Variants in MARCHF1 observed in about 807,000 individuals in gnomAD.
The protein encoded by MARCHF1 is E3 ubiquitin-protein ligase MARCHF1.
In MARCHF1, 40 loss-of-function variants were observed where a neutral mutation model predicts 54.2. The ratio of observed to expected loss-of-function variants is 0.74; its 90% confidence interval spans 0.57 to 0.96. MARCHF1 has a LOEUF of 0.96. Among genes scored for constraint, MARCHF1 ranks in the 40% least tolerant of loss-of-function variants. The pLI is 0.00. For synonymous variants in MARCHF1, 236 were observed against 236.3 expected (o/e 1.00, Z 0.01); for missense variants, 586 against 656.5 (o/e 0.89, Z 1.17).
chr4:163,982,496 T>C (rs1456606858), intron 3 of MARCHF1, among the ~76,000 whole-genome samples: 4 of 152,248 alleles, frequency 2.6e-5, no homozygotes, highest in Non-Finnish European at 5.9e-5. Context: ...CAGGAAACTA[T>C]TGCAACTGCC....
intron 2 of MARCHF1, among the ~76,000 whole-genome samples, chr4:164,048,786 G>T (rs1049128163): frequency 4.6e-5 from 7 of 152,048 alleles, no homozygotes; most frequent in Admixed American, 4.6e-4. Flanking sequence ...AATTGGCAGA[G>T]TAAATTTTTT....
intron 5 of MARCHF1, among the ~76,000 whole-genome samples, chr4:163,632,554 C>A (rs546282694): frequency 6.6e-6 from 1 of 152,184 alleles, no homozygotes; most frequent in African/African-American, 2.4e-5. Context: ...TAAAAAACGG[C>A]GCACCACAAG....
At chr4:163,575,202 GA>G (rs1739996189) in intron 8 of MARCHF1, among the ~76,000 whole-genome samples, 1 of 151,966 alleles carries the variant, frequency 6.6e-6, no homozygotes, top group African/African-American at 2.4e-5. Context: ...ATTATTTTGA[GA>G]TATGTCCCTT....
intron 1 of MARCHF1, among the ~76,000 whole-genome samples, chr4:164,351,397 G>C (rs367836584): frequency 6.6e-6 from 1 of 151,028 alleles, no homozygotes; most frequent in East Asian, 1.9e-4. Context: ...GGTTCTCCCA[G>C]CAGGCAGCTG....
intron 8 of MARCHF1, among the ~76,000 whole-genome samples, chr4:163,565,950 G>A (rs1739631600): frequency 6.6e-6 from 1 of 152,158 alleles, no homozygotes; most frequent in East Asian, 1.9e-4. Flanking sequence ...TATCCCGGTG[G>A]GGCTGAGGAA....
At chr4:163,884,536 G>T (rs2111251667) in intron 3 of MARCHF1, among the ~76,000 whole-genome samples, 1 of 152,168 alleles carries the variant, frequency 6.6e-6, no homozygotes, top group South Asian at 2.1e-4. Context: ...CCTTCCCCTT[G>T]TTCCTAGTAA....
intron 2 of MARCHF1, among the ~76,000 whole-genome samples, chr4:164,043,065 C>T (rs762139873): frequency 1.3e-4 from 20 of 152,292 alleles, no homozygotes; most frequent in East Asian, 5.8e-4. Flanking sequence ...CGTTGAGTGC[C>T]GGTGGCTTTT....
chr4:163,918,440 G>T (rs553490851), intron 3 of MARCHF1, among the ~76,000 whole-genome samples: 1 of 152,066 alleles, frequency 6.6e-6, no homozygotes, highest in Non-Finnish European at 1.5e-5. Context: ...GAAATATATG[G>T]AGGCATTTCC....
intron 3 of MARCHF1, among the ~76,000 whole-genome samples, chr4:163,857,752 T>G (rs1160132197): frequency 1.3e-5 from 2 of 152,280 alleles, no homozygotes; most frequent in Non-Finnish European, 2.9e-5. Flanking sequence ...GGAGAATAAT[T>G]TACTTTTAAT....
At chr4:163,650,073 ATGAG>A (rs1404272716) in intron 5 of MARCHF1, among the ~76,000 whole-genome samples, 5 of 151,950 alleles carry the variant, frequency 3.3e-5, no homozygotes, top group Non-Finnish European at 5.9e-5. Context: ...TTACAGTACA[ATGAG>A]TGAGTAAACA....
At chr4:163,570,561 C>T (rs1301647416) in intron 8 of MARCHF1, among the ~76,000 whole-genome samples, 8 of 152,176 alleles carry the variant, frequency 5.3e-5, no homozygotes, top group Non-Finnish European at 8.8e-5. Flanking sequence ...ATTCTTTCCA[C>T]TGTATTTTAC....
At chr4:164,082,406 C>T (rs1755120303) in intron 2 of MARCHF1, among the ~76,000 whole-genome samples, 2 of 152,128 alleles carry the variant, frequency 1.3e-5, no homozygotes, top group African/African-American at 4.8e-5. Flanking sequence ...AATGACGCAA[C>T]AGATGAAAGA....
intron 4 of MARCHF1, among the ~76,000 whole-genome samples, chr4:163,825,740 T>C (rs1043966721): frequency 6.6e-6 from 1 of 152,066 alleles, no homozygotes; most frequent in African/African-American, 2.4e-5. Flanking sequence ...ATTTACAGAA[T>C]TATTAATCAT....
rs34885496 is a variant in MARCHF1 at position 163,590,057 on chromosome 4, G to GGTGTGTGTGTGTGTGTGT, written c.1011-4146_1011-4129dup. Among the ~76,000 whole-genome samples, 973 of 146,226 alleles carry GGTGTGTGTGTGTGTGTGT rather than the reference G, an allele frequency of 6.7e-3. 7 individuals carry two copies. Among genetic ancestry groups the GGTGTGTGTGTGTGTGTGT allele is most frequent in the African/African-American group, 0.016 (642 of 39,778 alleles). ...TGCAGCAAATTAAATTTTAGATTTT[G>GGTGTGTGTGTGTGTGTGT]GTGTGTGTGTGTGTGTGTGTGTGTG... On this transcript the variant is annotated intron_variant, in intron 7 of 9. Transcript: ENST00000514618.
chr4:164,076,913 C>T (rs146922003), intron 2 of MARCHF1, among the ~76,000 whole-genome samples: 4,215 of 152,248 alleles, frequency 0.028, 178 homozygotes, highest in African/African-American at 0.096. Flanking sequence ...ATTCCATGCT[C>T]ATGGATAGGA....
intron 1 of MARCHF1, among the ~76,000 whole-genome samples, chr4:164,326,140 C>T (rs1283003854): frequency 1.3e-5 from 2 of 152,120 alleles, no homozygotes; most frequent in Admixed American, 1.3e-4. Context: ...TTTCAATTTT[C>T]CTTCCTTTTT....
rs1045827669 is a variant in MARCHF1, at chr4:163,525,982, T to C, written c.*2766A>G. The C allele has an allele frequency of 6.6e-6, 1 of 152,136 alleles. No individual in the cohort carries two copies. Among genetic ancestry groups the C allele is most frequent in the African/African-American group, 2.4e-5 (1 of 41,448 alleles). 9.4% of individuals were successfully genotyped at this position (152,136 alleles called of 1,614,324 possible). On this transcript the variant is annotated 3_prime_UTR_variant, in exon 10 of 10. Coordinates refer to ENST00000514618, the MANE Select transcript of MARCHF1 (RefSeq NM_001394959.1). Reference sequence around the variant, plus strand: ...AAACAACCATTGCTGAAAAGCTTCTTAAAAGCTTGAAATTCAGAACTTCAG... The same window carrying C: ...AAACAACCATTGCTGAAAAGCTTCTCAAAAGCTTGAAATTCAGAACTTCAG...
At chr4:163,837,223 A>G (rs1030364200) in intron 4 of MARCHF1, among the ~76,000 whole-genome samples, 7 of 152,316 alleles carry the variant, frequency 4.6e-5, no homozygotes, top group South Asian at 2.1e-4. Flanking sequence ...CGTTATTTCA[A>G]TACTGTGACT....
At chr4:163,823,730 A>G (rs1428766806) in intron 4 of MARCHF1, among the ~76,000 whole-genome samples, 1 of 151,916 alleles carries the variant, frequency 6.6e-6, no homozygotes, top group African/African-American at 2.4e-5. Context: ...GATCAAAAGT[A>G]GTAATTAACG....
Sources: gnomAD v4.1 joint callset for allele counts (sites outside exome capture counted in the v4.1 genomes callset) on GRCh38, gnomAD v4.1.1 for gene constraint, MANE v1.5 for transcripts, NCBI Gene and HGNC (gene_info 2026-07-23, HGNC 2026-07-21) for gene names.